GAST: variants seen among roughly 807,000 people sequenced by gnomAD.
GAST encodes preprogastrin.
Under a neutral mutation model 12.5 loss-of-function variants are expected in GAST, and 9 were observed. The observed-to-expected ratio is 0.72, with a 90% CI of 0.43 to 1.25. GAST has a LOEUF of 1.25. Among genes scored for constraint, GAST ranks in the 50% most tolerant of loss-of-function variants. GAST has a pLI of 0.00. For synonymous variants in GAST, 52 were observed against 51.1 expected (o/e 1.02, Z -0.08); for missense variants, 121 against 127.7 (o/e 0.95, Z 0.25).
At chr17:41,715,008 T>C (rs1420756480) in intron 1 of GAST, among the ~76,000 whole-genome samples, 2 of 151,916 alleles carry the variant, frequency 1.3e-5, no homozygotes, top group East Asian at 3.9e-4. Flanking sequence ...CCACACAGAA[T>C]TGCAGACTCA....
chr17:41,712,937 G>GT (rs1039150416), intron 1 of GAST, among the ~76,000 whole-genome samples: 4 of 151,238 alleles, frequency 2.6e-5, no homozygotes, highest in Non-Finnish European at 5.9e-5. Flanking sequence ...TGTTGTTGTT[G>GT]TTTGTTTTTT....
At chr17:41,714,390 C>T (rs1034310934) in intron 1 of GAST, among the ~76,000 whole-genome samples, 2 of 152,124 alleles carry the variant, frequency 1.3e-5, no homozygotes, top group Admixed American at 1.3e-4. Flanking sequence ...CCAGGCTGGT[C>T]TCAAACTTGT....
Position 41,713,120 on chromosome 17 carries a change from T to C in GAST, c.-6+733T>C, listed in dbSNP as rs146879787. Among the ~76,000 whole-genome samples the C allele has an allele frequency of 1.6e-3, 247 of 152,248 alleles. 1 individual carries two copies. Among genetic ancestry groups the C allele is most frequent in the Non-Finnish European group, 2.9e-3 (198 of 68,016 alleles). The stretch of plus-strand genomic sequence containing the variant: ...TTGGTAGAGACAGAGTTTCACCATG[T>C]TGGCCAGGCTGGTCACAAACTCCTG... On this transcript the variant is annotated intron_variant, in intron 1 of 2. Coordinates refer to ENST00000329402, the MANE Select transcript of GAST (RefSeq NM_000805.5).
chr17:41,715,614 C>G lies in GAST; in HGVS notation c.178C>G (p.Leu60Val). ...CCCAGCCTCTCATCATCGAAGGCAG[C>G]TGGGACCCCAGGGTCCCCCACACCT... ...QGPASHHRRQ[L>V]GPQGPPHLVA... The change falls in exon 2 of 3, where the codon CTG becomes GTG. Residue 60 changes from leucine to valine, a missense_variant. Leu to Val is a conservative substitution (Grantham distance 32, BLOSUM62 1). Coordinates refer to ENST00000329402, the MANE Select transcript of GAST (RefSeq NM_000805.5). The G allele has an allele frequency of 6.2e-7, 1 of 1,613,728 alleles. No individual in the cohort carries two copies. The highest frequency in any genetic ancestry group is 8.5e-7 in the Non-Finnish European group (1 of 1,179,962).
rs1910948204 is a variant in GAST, at chr17:41,715,401, C to T, written c.-5-31C>T. 4.5e-6 allele frequency: 7 copies of T among 1,568,444 alleles called. No individual in the cohort carries two copies. In the African/African-American group the frequency reaches 8.1e-5, roughly 18 times the overall value. On this transcript the variant is annotated intron_variant, in intron 1 of 2. Transcript: ENST00000329402. ...CTGGGCCTCTGTGGGGACAGCCTCA[C>T]CCTTAAGCTAGTCCCTTCTCCCCTT...
Position 41,715,664 on chromosome 17 carries a change from G to A in GAST, c.211+17G>A, listed in dbSNP as rs202238440. The A allele has an allele frequency of 3.5e-5, 57 of 1,610,592 alleles. No homozygotes were observed. The highest frequency in any genetic ancestry group is 2.2e-4 in the Admixed American group (13 of 59,548). On this transcript the variant is annotated intron_variant, in intron 2 of 2. Coordinates refer to ENST00000329402, the MANE Select transcript of GAST (RefSeq NM_000805.5). Reference sequence around the variant, plus strand: ...TCGTGGCAGGTAGGAGCTGCTGACTGCCCTGCTTGCCTCACTTGGCCAGGT... The same window carrying A: ...TCGTGGCAGGTAGGAGCTGCTGACTACCCTGCTTGCCTCACTTGGCCAGGT...
At position 41,713,893 on chromosome 17, in the gene GAST, C is replaced by T. The variant is rs573788878; in HGVS notation, c.-6+1506C>T. Among the ~76,000 whole-genome samples the T allele has an allele frequency of 7.9e-5, 12 of 152,212 alleles. No homozygotes were observed. The South Asian group carries it at 2.3e-3, about 29-fold the overall frequency. On this transcript the variant is annotated intron_variant, in intron 1 of 2. Transcript: ENST00000329402. ...TGAATTTTATGTTTGTTTGAGATTC[C>T]AGTTTAGTTCTGTATTATGTTTTCC... is the stretch of plus-strand genomic sequence containing the variant.
chr17:41,713,280 G>C (rs1910896962), intron 1 of GAST, among the ~76,000 whole-genome samples: 1 of 152,152 alleles, frequency 6.6e-6, no homozygotes, highest in African/African-American at 2.4e-5. Flanking sequence ...CTATAGCACT[G>C]AACAACACAT....
At chr17:41,715,299 TAAAAAA>T in intron 1 of GAST, 127 bp from the exon 2 acceptor site, 2 of 554,980 alleles carry the variant, frequency 3.6e-6, no homozygotes, top group Non-Finnish European at 6.3e-6. Flanking sequence ...AAACTCTGTC[TAAAAAA>T]AAAAAAAAGA....
rs1555585899 is a variant in GAST at position 41,715,901 on chromosome 17, G to C, written c.*29G>C. On this transcript the variant is annotated 3_prime_UTR_variant, in exon 3 of 3. Coordinates refer to ENST00000329402, the MANE Select transcript of GAST (RefSeq NM_000805.5). ...TCCTAGAACCAAGCTTCAGAGCCTA[G>C]CCACCTCCCACCCCACTCCAGCCCT... The C allele has an allele frequency of 6.5e-7, 1 of 1,536,532 alleles. No individual in the cohort carries two copies. The highest frequency in any genetic ancestry group is 2.0e-5 in the Admixed American group (1 of 49,334).
chr17:41,712,958 C>A (rs1334857606), intron 1 of GAST, among the ~76,000 whole-genome samples: 1 of 152,094 alleles, frequency 6.6e-6, no homozygotes, highest in Non-Finnish European at 1.5e-5. Flanking sequence ...TATATAGAGT[C>A]TCGCCGTGTC....
chr17:41,715,043 T>C (rs1313381237), intron 1 of GAST, among the ~76,000 whole-genome samples: 1 of 152,010 alleles, frequency 6.6e-6, no homozygotes, highest in Non-Finnish European at 1.5e-5. Context: ...CTCATGCCTG[T>C]AATCCCAGCA....
Position 41,715,629 on chromosome 17 carries a change from C to A in GAST, c.193C>A (p.Pro65Thr), listed in dbSNP as rs373599038. Residue 65 changes from proline (P) to threonine (T), a missense_variant, in exon 2 of 3, where the codon CCC becomes ACC. Pro to Thr is a conservative substitution (Grantham distance 38). Transcript: ENST00000329402. ...TCGAAGGCAGCTGGGACCCCAGGGT[C>A]CCCCACACCTCGTGGCAGGTAGGAG... ...HHRRQLGPQG[P>T]PHLVADPSKK... The A allele has an allele frequency of 1.2e-6, 2 of 1,613,518 alleles. No homozygotes were observed. Among genetic ancestry groups the A allele is most frequent in the Admixed American group, 3.3e-5 (2 of 59,958 alleles).
chr17:41,715,188 T>C (rs1555585659), intron 1 of GAST, among the ~76,000 whole-genome samples: 1 of 151,752 alleles, frequency 6.6e-6, no homozygotes, highest in African/African-American at 2.4e-5. Flanking sequence ...TAGTCACAGA[T>C]ATTCTGGAGG....
intron 1 of GAST, among the ~76,000 whole-genome samples, chr17:41,714,625 A>G (rs906623773): frequency 1.3e-5 from 2 of 151,960 alleles, no homozygotes; most frequent in Non-Finnish European, 2.9e-5. Context: ...TACAAAAAAA[A>G]TTAGCTGGAC....
chr17:41,715,452 G>A lies in GAST; in HGVS notation c.16G>A (p.Val6Met), dbSNP rs368004997. The change falls in exon 2 of 3, where the codon GTG becomes ATG. Residue 6 changes from valine (V) to methionine (M), a missense_variant. Transcript: ENST00000329402. ...TGCAGACGAGATGCAGCGACTGTGT[G>A]TGTATGTGCTGATCTTTGCACTGGC... is the stretch of plus-strand genomic sequence containing the variant. MQRLC[V>M]YVLIFALALA... 3.1e-6 allele frequency: 5 copies of A among 1,613,752 alleles called. No homozygotes were observed. The highest frequency in any genetic ancestry group is 1.7e-5 in the Admixed American group (1 of 60,016).
intron 1 of GAST, among the ~76,000 whole-genome samples, chr17:41,713,195 G>A (rs1177655133): frequency 6.6e-6 from 1 of 152,034 alleles, no homozygotes; most frequent in Non-Finnish European, 1.5e-5. Flanking sequence ...GGGATTACAG[G>A]CGTGAGCCAC....
intron 1 of GAST, among the ~76,000 whole-genome samples, chr17:41,714,636 G>T (rs895371810): frequency 1.3e-5 from 2 of 152,034 alleles, no homozygotes; most frequent in Non-Finnish European, 2.9e-5. Flanking sequence ...TTAGCTGGAC[G>T]TGGTGGTGCA....
At chr17:41,715,358 T>C (rs1910946689) in intron 1 of GAST, 74 bp from the exon 2 acceptor site, 3 of 1,124,436 alleles carry the variant, frequency 2.7e-6, no homozygotes, top group South Asian at 2.9e-5. Flanking sequence ...TGGAGCCACA[T>C]GGTTCAGTCC....
Sources: gnomAD v4.1 joint callset for allele counts (sites outside exome capture counted in the v4.1 genomes callset) on GRCh38, gnomAD v4.1.1 for gene constraint, MANE v1.5 for transcripts, NCBI Gene and HGNC (gene_info 2026-07-23, HGNC 2026-07-21) for gene names.